The following RBFOX1 variants were observed in gnomAD, a reference collection of about 807,000 sequenced individuals.
The protein encoded by RBFOX1 is RNA binding protein fox-1 homolog 1.
In RBFOX1, 8 loss-of-function variants were observed where a neutral mutation model predicts 57.7. The observed-to-expected ratio is 0.14, with a 90% CI of 0.08 to 0.25. The LOEUF is 0.25. Among genes scored for constraint, RBFOX1 ranks in the 10% least tolerant of loss-of-function variants. The pLI is 1.00. For missense variants in RBFOX1, 611 were observed against 548.5 expected (o/e 1.11, Z -1.14); for synonymous variants, 326 against 222.4 (o/e 1.47, Z -4.15).
chr16:6,921,844 T>C (rs1054207911), intron 3 of RBFOX1, among the ~76,000 whole-genome samples: 1 of 152,072 alleles, frequency 6.6e-6, no homozygotes, highest in Non-Finnish European at 1.5e-5. Flanking sequence ...TGCATTCTGT[T>C]GGTTGGAAGC....
intron 1 of RBFOX1, among the ~76,000 whole-genome samples, chr16:6,262,629 C>A (rs12445213): frequency 0.97 from 147,116 of 152,260 alleles, 71,295 homozygotes; most frequent in East Asian, 1. Flanking sequence ...CACTTTCATT[C>A]GGCCTGGATT....
rs535290134 is a variant in RBFOX1 at position 5,402,080 on chromosome 16, C to T, written c.220-65136C>T. Among the ~76,000 whole-genome samples, 205 of 152,152 alleles carry T rather than the reference C, an allele frequency of 1.3e-3. 1 individual carries two copies. Among genetic ancestry groups the T allele is most frequent in the African/African-American group, 4.5e-3 (187 of 41,488 alleles). ...GTCCTAAGGCATTGGAGAGTACTCC[C>T]GGGCTAAGAACAAGGGGGCATTTAC... On this transcript the variant is annotated intron_variant, in intron 1 of 2. Transcript: ENST00000585867.
At chr16:7,456,674 A>G (rs1007060036) in intron 4 of RBFOX1, among the ~76,000 whole-genome samples, 17 of 152,072 alleles carry the variant, frequency 1.1e-4, no homozygotes, top group African/African-American at 4.1e-4. Flanking sequence ...AGCATCACCC[A>G]ACGGTCTTCC....
intron 3 of RBFOX1, among the ~76,000 whole-genome samples, chr16:6,987,245 G>C (rs1298538287): frequency 6.6e-6 from 1 of 152,164 alleles, no homozygotes. Context: ...GTTATGCACA[G>C]ATTTATTGAA....
At chr16:6,370,582 C>T (rs992296574) in intron 2 of RBFOX1, among the ~76,000 whole-genome samples, 3 of 151,994 alleles carry the variant, frequency 2.0e-5, no homozygotes, top group African/African-American at 7.3e-5. Flanking sequence ...AGAAACCAGT[C>T]GCAAAAGGAC....
intron 3 of RBFOX1, among the ~76,000 whole-genome samples, chr16:6,792,810 C>T (rs2083222457): frequency 6.6e-6 from 1 of 152,244 alleles, no homozygotes; most frequent in East Asian, 1.9e-4. Context: ...GCAGATGGAT[C>T]ATGACGTCAG....
At chr16:7,143,296 C>A (rs1294680884) in intron 4 of RBFOX1, among the ~76,000 whole-genome samples, 1 of 151,930 alleles carries the variant, frequency 6.6e-6, no homozygotes, top group African/African-American at 2.4e-5. Flanking sequence ...CAACTGTTTT[C>A]CAGCCCTCCT....
intron 1 of RBFOX1, among the ~76,000 whole-genome samples, chr16:6,194,070 C>G (rs2097164474): frequency 6.6e-6 from 1 of 152,144 alleles, no homozygotes. Context: ...CTTCCTGGAA[C>G]TCACACATTC....
intron 4 of RBFOX1, among the ~76,000 whole-genome samples, chr16:7,502,915 C>T (rs574851248): frequency 1.4e-4 from 22 of 152,146 alleles, no homozygotes; most frequent in African/African-American, 4.3e-4. Flanking sequence ...CCTAGCTACT[C>T]GGGAGCCTGA....
In RBFOX1 at chr16:5,993,978, G is replaced by C. The variant is rs112165374; in HGVS notation, c.351+126643G>C. On this transcript the variant is annotated intron_variant, in intron 4 of 19. Transcript: ENST00000641259. ...ACTTTGCTGCTGGGGATGTTGGCAC[G>C]TATGGGACGGTTCCTCTGAAAGCAT... is the stretch of plus-strand genomic sequence containing the variant. Among the ~76,000 whole-genome samples, 1,221 of 152,232 alleles carry C rather than the reference G, an allele frequency of 8.0e-3. 20 individuals are homozygous for C. The highest frequency in any genetic ancestry group is 0.028 in the African/African-American group (1,151 of 41,526).
At chr16:5,605,138 G>C (rs2047523937), downstream of RBFOX1, among the ~76,000 whole-genome samples, 1 of 152,190 alleles carries the variant, frequency 6.6e-6, no homozygotes, top group Non-Finnish European at 1.5e-5. Context: ...GCTGTGAGTG[G>C]TGACAGGCTT....
At chr16:7,614,532 G>A (rs1164132055) in intron 10 of RBFOX1, 2 of 152,294 alleles carry the variant, frequency 1.3e-5, no homozygotes, top group Non-Finnish European at 2.9e-5. Flanking sequence ...CATTTTTGAA[G>A]TAAATTGGTT....
In RBFOX1 at chr16:7,115,789, G is replaced by C. The variant is rs373813788; in HGVS notation, c.27+63691G>C. Among the ~76,000 whole-genome samples, 48 of 152,102 alleles carry C rather than the reference G, an allele frequency of 3.2e-4. No individual in the cohort carries two copies. In the South Asian group the frequency reaches 9.6e-3, roughly 30 times the overall value. On this transcript the variant is annotated intron_variant, in intron 4 of 15. Coordinates refer to ENST00000550418, the MANE Select transcript of RBFOX1 (RefSeq NM_018723.4). Reference sequence around the variant, plus strand: ...ATAATTAATTAATCTAGCCTGCCCCGAAGGGGAGGGAGTTACACATGAACA... The same window carrying C: ...ATAATTAATTAATCTAGCCTGCCCCCAAGGGGAGGGAGTTACACATGAACA...
intron 3 of RBFOX1, among the ~76,000 whole-genome samples, chr16:5,712,046 G>A (rs180744233): frequency 2.0e-5 from 3 of 152,340 alleles, no homozygotes; most frequent in East Asian, 3.9e-4. Flanking sequence ...GGAAGGGAAA[G>A]CAGGCATGTC....
intron 1 of RBFOX1, among the ~76,000 whole-genome samples, chr16:6,204,619 G>C (rs997114565): frequency 4.6e-5 from 7 of 152,224 alleles, no homozygotes; most frequent in African/African-American, 1.7e-4. Flanking sequence ...GGTGACATTA[G>C]AGACTAATTT....
chr16:6,720,514 A>G (rs944470759), intron 3 of RBFOX1, among the ~76,000 whole-genome samples: 6 of 152,352 alleles, frequency 3.9e-5, no homozygotes, highest in Middle Eastern at 6.8e-3. Context: ...GGGATAATTC[A>G]GGAAAGGGTG....
At chr16:5,811,682 T>C (rs2055437602) in intron 3 of RBFOX1, among the ~76,000 whole-genome samples, 1 of 151,210 alleles carries the variant, frequency 6.6e-6, no homozygotes, top group Non-Finnish European at 1.5e-5. Context: ...ATCTCCTGAC[T>C]TCGTGGTCTG....
chr16:7,700,705 C>G (rs1389799656), intron 14 of RBFOX1, among the ~76,000 whole-genome samples: 2 of 152,138 alleles, frequency 1.3e-5, no homozygotes, highest in Non-Finnish European at 2.9e-5. Context: ...AGGAGGTATT[C>G]TAGGGCAGGA....
intron 3 of RBFOX1, among the ~76,000 whole-genome samples, chr16:7,013,698 C>T (rs2093763028): frequency 1.3e-5 from 2 of 152,144 alleles, no homozygotes; most frequent in African/African-American, 2.4e-5. Context: ...TTCTCTGTTG[C>T]CCAGGCTGGA....
Sources: gnomAD v4.1 joint callset for allele counts (sites outside exome capture counted in the v4.1 genomes callset) on GRCh38, gnomAD v4.1.1 for gene constraint, MANE v1.5 for transcripts, NCBI Gene and HGNC (gene_info 2026-07-23, HGNC 2026-07-21) for gene names.